NREP: variants seen among roughly 807,000 people sequenced by gnomAD.
NREP encodes the protein neuronal regeneration-related protein.
In NREP, 5 loss-of-function variants were observed where a neutral mutation model predicts 8.6. The ratio of observed to expected loss-of-function variants is 0.58; its 90% CI spans 0.30 to 1.22. The LOEUF (loss-of-function observed/expected upper bound fraction) is 1.22, where lower values mean the gene tolerates loss of function less well. NREP is among the 50% of genes most tolerant of loss of function. The pLI is 0.07. For synonymous variants in NREP, 27 were observed against 28.0 expected (o/e 0.96, Z 0.11); for missense variants, 86 against 82.5 (o/e 1.04, Z -0.17).
intron 2 of NREP, among the ~76,000 whole-genome samples, chr5:111,780,407 G>C (rs987886317): frequency 6.6e-6 from 1 of 152,072 alleles, no homozygotes; most frequent in African/African-American, 2.4e-5. Flanking sequence ...AGGGAAACAG[G>C]GAGAGAGGAA....
intron 2 of NREP, among the ~76,000 whole-genome samples, chr5:111,919,035 GA>G (rs908695659): frequency 8.6e-5 from 13 of 151,976 alleles, no homozygotes; most frequent in Non-Finnish European, 1.8e-4. Flanking sequence ...AAATTGACAA[GA>G]AAAAAACAGA....
At chr5:111,734,527 T>C in intron 3 of NREP, 1 of 437,506 alleles carries the variant, frequency 2.3e-6, no homozygotes, top group Non-Finnish European at 4.1e-6. Context: ...AAGATTGTTT[T>C]CTTTCAGTGC....
At chr5:111,855,221 A>C (rs1753399765) in intron 2 of NREP, among the ~76,000 whole-genome samples, 1 of 152,218 alleles carries the variant, frequency 6.6e-6, no homozygotes, top group Admixed American at 6.5e-5. Flanking sequence ...AAAACATAGG[A>C]TCTGGAAACA....
intron 2 of NREP, among the ~76,000 whole-genome samples, chr5:111,833,316 A>G (rs997921464): frequency 6.6e-6 from 1 of 152,214 alleles, no homozygotes; most frequent in African/African-American, 2.4e-5. Flanking sequence ...AGAAAAGCCA[A>G]TACAAAATGT....
chr5:111,859,953 C>T (rs1753508624), intron 2 of NREP, among the ~76,000 whole-genome samples: 1 of 152,070 alleles, frequency 6.6e-6, no homozygotes, highest in Admixed American at 6.5e-5. Flanking sequence ...AAATTTCTTT[C>T]AGACTTCAGG....
At chr5:111,893,063 G>C (rs997720180) in intron 2 of NREP, among the ~76,000 whole-genome samples, 6 of 152,204 alleles carry the variant, frequency 3.9e-5, no homozygotes, top group Non-Finnish European at 5.9e-5. Flanking sequence ...AGGAAGTCCA[G>C]CTCAGGCAGA....
intron 2 of NREP, 62 bp downstream of exon 2, chr5:111,755,708 A>G: frequency 1.3e-6 from 2 of 1,568,864 alleles, no homozygotes; most frequent in South Asian, 1.1e-5. Flanking sequence ...TGGGTGGTTG[A>G]TATTTATATG....
chr5:111,810,720 C>T (rs957063330), intron 2 of NREP, among the ~76,000 whole-genome samples: 8 of 152,136 alleles, frequency 5.3e-5, no homozygotes, highest in African/African-American at 9.7e-5. Flanking sequence ...TCCATTACTA[C>T]AAAAAGTGAA....
intron 2 of NREP, among the ~76,000 whole-genome samples, chr5:111,909,204 C>G (rs1754848231): frequency 6.6e-6 from 1 of 151,898 alleles, no homozygotes; most frequent in Non-Finnish European, 1.5e-5. Context: ...GTTTCTTTTG[C>G]TGCCATAAGA....
At chr5:111,747,076 G>A (rs956729148) in intron 2 of NREP, among the ~76,000 whole-genome samples, 3 of 152,106 alleles carry the variant, frequency 2.0e-5, no homozygotes, top group South Asian at 2.1e-4. Flanking sequence ...CCTTCTGGGT[G>A]GCTTTCACTA....
rs139959271 is a variant in NREP at position 111,744,051 on chromosome 5, A to G, written c.4-8544T>C. Reference sequence around the variant, plus strand: ...TTTTCTTGGTCTGGGTGGATGAGATAGTTAGTTGCTTTGAAGAGTCTGAAG... The same window carrying G: ...TTTTCTTGGTCTGGGTGGATGAGATGGTTAGTTGCTTTGAAGAGTCTGAAG... On this transcript the variant is annotated intron_variant, in intron 2 of 3. Transcript: ENST00000257435. 8.7e-3 allele frequency among the ~76,000 whole-genome samples: 1,325 copies of G among 152,226 alleles called. 60 individuals are homozygous for G. Among genetic ancestry groups the G allele is most frequent in the Admixed American group, 0.079 (1,206 of 15,282 alleles).
intron 2 of NREP, among the ~76,000 whole-genome samples, chr5:111,795,185 A>G (rs909146521): frequency 3.2e-4 from 48 of 152,196 alleles, no homozygotes; most frequent in African/African-American, 1.1e-3. Context: ...CTTCATACAA[A>G]TAAATGGGGA....
At chr5:111,892,808 C>A (rs1385733983) in intron 2 of NREP, among the ~76,000 whole-genome samples, 1 of 152,106 alleles carries the variant, frequency 6.6e-6, no homozygotes, top group Non-Finnish European at 1.5e-5. Flanking sequence ...ATTCAAGGCA[C>A]TGGTTTATGC....
chr5:111,786,087 G>T (rs887047638), intron 2 of NREP, among the ~76,000 whole-genome samples: 5 of 152,146 alleles, frequency 3.3e-5, no homozygotes, highest in Admixed American at 1.3e-4. Context: ...CTGATCATTT[G>T]CTTCCAAAGA....
intron 2 of NREP, among the ~76,000 whole-genome samples, chr5:111,771,752 A>G (rs1751234869): frequency 1.3e-5 from 2 of 151,028 alleles, no homozygotes; most frequent in Admixed American, 1.3e-4. Flanking sequence ...AACAAGAGTG[A>G]AACTCCATCT....
chr5:111,822,196 A>C (rs1007563897), intron 2 of NREP, among the ~76,000 whole-genome samples: 3 of 152,174 alleles, frequency 2.0e-5, no homozygotes, highest in African/African-American at 7.2e-5. Context: ...AGGCATTGGA[A>C]AGTTATCAAA....
At chr5:111,866,711 C>T (rs1403740265) in intron 2 of NREP, among the ~76,000 whole-genome samples, 2 of 152,136 alleles carry the variant, frequency 1.3e-5, no homozygotes, top group Non-Finnish European at 2.9e-5. Context: ...TTTATTGCGG[C>T]ACTATTCACA....
chr5:111,928,388 G>T (rs566214202), intron 2 of NREP, among the ~76,000 whole-genome samples: 6 of 151,908 alleles, frequency 3.9e-5, no homozygotes, highest in South Asian at 4.2e-4. Context: ...GACAAATAAG[G>T]TTCTCAGTTT....
intron 2 of NREP, among the ~76,000 whole-genome samples, chr5:111,805,764 GA>G (rs1752125487): frequency 5.1e-5 from 3 of 59,274 alleles, no homozygotes; most frequent in Non-Finnish European, 7.4e-5. Flanking sequence ...CAGAGATAGA[GA>G]AGAGAAAATT....
Sources: allele counts gnomAD v4.1 joint callset (sites outside exome capture counted in the v4.1 genomes callset), GRCh38; gene constraint gnomAD v4.1.1; transcripts MANE v1.5; gene names NCBI Gene and HGNC (gene_info 2026-07-23, HGNC 2026-07-21).